Variants in RAB38 observed in about 807,000 individuals in gnomAD.
RAB38 encodes the protein ras-related protein Rab-38.
Under a neutral mutation model 18.4 loss-of-function variants are expected in RAB38, and 15 were observed. The ratio of observed to expected loss-of-function variants is 0.82; its 90% confidence interval spans 0.55 to 1.26. The LOEUF (loss-of-function observed/expected upper bound fraction) is 1.26, where lower values mean the gene tolerates loss of function less well. Ranked by LOEUF, RAB38 falls within the 50% of genes most tolerant of loss-of-function variation. RAB38 has a pLI of 0.00. For missense variants in RAB38, 294 were observed against 267.4 expected (o/e 1.10, Z -0.69); for synonymous variants, 101 against 104.4 (o/e 0.97, Z 0.20).
At chr11:88,139,500 G>A (rs1033443208) in intron 2 of RAB38, among the ~76,000 whole-genome samples, 4 of 152,218 alleles carry the variant, frequency 2.6e-5, no homozygotes, top group Admixed American at 6.5e-5. Context: ...TCTTCCAGGA[G>A]TTGAACCTAG....
At chr11:88,035,014 A>G in the RAB38 span, among the ~76,000 whole-genome samples, 2 of 152,178 alleles carry the variant, frequency 1.3e-5, no homozygotes, top group Non-Finnish European at 2.9e-5. Flanking sequence ...TTTAAGTATA[A>G]CACTTTCTCT....
chr11:88,169,136 T>C (rs2134856040), intron 1 of RAB38, among the ~76,000 whole-genome samples: 1 of 152,262 alleles, frequency 6.6e-6, no homozygotes, highest in South Asian at 2.1e-4. Flanking sequence ...ATATGTACTA[T>C]CTGACTTGGA....
At chr11:87,934,897 T>C in the RAB38 span, among the ~76,000 whole-genome samples, 2 of 152,044 alleles carry the variant, frequency 1.3e-5, no homozygotes, top group East Asian at 1.9e-4. Flanking sequence ...GGGGCAGCGA[T>C]GAGATGGGAT....
the RAB38 span, among the ~76,000 whole-genome samples, chr11:88,030,594 A>G: frequency 2.0e-5 from 3 of 152,190 alleles, no homozygotes; most frequent in Non-Finnish European, 2.9e-5. Flanking sequence ...GAGAATACAA[A>G]AACACCTCTA....
intron 2 of RAB38, among the ~76,000 whole-genome samples, chr11:88,140,059 T>A (rs1475802679): frequency 6.6e-6 from 1 of 152,224 alleles, no homozygotes; most frequent in Non-Finnish European, 1.5e-5. Flanking sequence ...ATGACTTGCA[T>A]AATTCGGTGC....
chr11:87,899,879 C>G, the RAB38 span, among the ~76,000 whole-genome samples: 3 of 151,572 alleles, frequency 2.0e-5, no homozygotes, highest in African/African-American at 7.3e-5. Context: ...AGTGCCAAAG[C>G]AAAACTGTCT....
At chr11:87,821,906 A>G in the RAB38 span, among the ~76,000 whole-genome samples, 8 of 152,010 alleles carry the variant, frequency 5.3e-5, no homozygotes, top group Admixed American at 5.3e-4. Flanking sequence ...AAGGTGAAAT[A>G]CATTATAATA....
At chr11:87,931,946 G>C in the RAB38 span, among the ~76,000 whole-genome samples, 78 of 151,942 alleles carry the variant, frequency 5.1e-4, no homozygotes, top group African/African-American at 1.8e-3. Context: ...GGAGGGGTGG[G>C]GTGGGGTGGT....
At chr11:87,819,047 A>T in the RAB38 span, among the ~76,000 whole-genome samples, 3 of 152,250 alleles carry the variant, frequency 2.0e-5, no homozygotes, top group African/African-American at 4.8e-5. Context: ...AATGAAGACC[A>T]GACGACTCTG....
the RAB38 span, among the ~76,000 whole-genome samples, chr11:88,103,125 T>C: frequency 6.6e-6 from 1 of 152,128 alleles, no homozygotes; most frequent in African/African-American, 2.4e-5. Context: ...TGTCTAAGTA[T>C]GTAGTGGCTC....
the RAB38 span, among the ~76,000 whole-genome samples, chr11:87,907,477 C>T: frequency 6.6e-6 from 1 of 151,446 alleles, no homozygotes; most frequent in Non-Finnish European, 1.5e-5. Flanking sequence ...ATTTTTTTCA[C>T]ATTGAGGTTT....
At chr11:88,081,573 G>C in the RAB38 span, among the ~76,000 whole-genome samples, 2 of 151,846 alleles carry the variant, frequency 1.3e-5, no homozygotes, top group African/African-American at 4.8e-5. Context: ...TCCTTGGCTT[G>C]TGACACATTA....
At chr11:87,931,546 A>AG in the RAB38 span, among the ~76,000 whole-genome samples, 3 of 152,078 alleles carry the variant, frequency 2.0e-5, no homozygotes, top group Admixed American at 2.0e-4. Context: ...ACTGGCCACC[A>AG]GGTACCATAT....
At chr11:88,032,988 C>T in the RAB38 span, among the ~76,000 whole-genome samples, 144 of 152,178 alleles carry the variant, frequency 9.5e-4, 1 homozygote, top group Admixed American at 3.2e-3. Context: ...AAATGTCCAA[C>T]AATGATAGAC....
chr11:88,170,541 A>C (rs549248646), intron 1 of RAB38, among the ~76,000 whole-genome samples: 35 of 152,366 alleles, frequency 2.3e-4, no homozygotes, highest in African/African-American at 7.9e-4. Flanking sequence ...TGTGACCCAA[A>C]TAAGTGTCAG....
chr11:88,053,792 T>G, the RAB38 span, among the ~76,000 whole-genome samples: 2 of 106,920 alleles, frequency 1.9e-5, no homozygotes, highest in African/African-American at 6.3e-5. Context: ...GGACTTAAGC[T>G]TTTTTTTTTT....
At chr11:87,821,403 A>G in the RAB38 span, among the ~76,000 whole-genome samples, 11 of 152,216 alleles carry the variant, frequency 7.2e-5, no homozygotes, top group Non-Finnish European at 1.3e-4. Flanking sequence ...GAATTTTCAG[A>G]CGAACAAAAC....
At chr11:87,868,682 A>G in the RAB38 span, among the ~76,000 whole-genome samples, 1 of 151,104 alleles carries the variant, frequency 6.6e-6, no homozygotes, top group Admixed American at 6.6e-5. Flanking sequence ...CAACTAGGCC[A>G]TATACTCCTA....
chr11:88,139,536 G>T (rs1374193968), intron 2 of RAB38, among the ~76,000 whole-genome samples: 7 of 152,160 alleles, frequency 4.6e-5, no homozygotes, highest in African/African-American at 1.4e-4. Context: ...TCTATTATCA[G>T]TGCCCCAGTG....
Sources: allele counts gnomAD v4.1 joint callset (sites outside exome capture counted in the v4.1 genomes callset), GRCh38; gene constraint gnomAD v4.1.1; transcripts MANE v1.5; gene names NCBI Gene and HGNC (gene_info 2026-07-23, HGNC 2026-07-21).